Variants in CENPP observed in about 807,000 individuals in gnomAD.
CENPP encodes the protein centromere protein P.
CENPP carries 24 observed loss-of-function variants against 35.6 expected under a neutral mutation model. That is an observed-to-expected ratio of 0.67 (90% CI 0.49 to 0.95). The LOEUF is 0.95. Ranked by LOEUF, CENPP falls within the 40% of genes least tolerant of loss-of-function variation. The probability of loss-of-function intolerance (pLI) is 0.00; values close to 1 mark genes in which losing one functional copy is unlikely to be tolerated. For synonymous variants in CENPP, 120 were observed against 125.5 expected, an observed-to-expected ratio of 0.96 and a Z score of 0.29; for missense variants, 332 against 345.3, an observed-to-expected ratio of 0.96 and a Z score of 0.31.
chr9:92,581,554 C>T (rs1223830449), intron 5 of CENPP, among the ~76,000 whole-genome samples: 1 of 152,170 alleles, frequency 6.6e-6, no homozygotes, highest in Non-Finnish European at 1.5e-5. Flanking sequence ...AGCTTCGTTA[C>T]TCTCAGAGAA....
chr9:92,331,119 C>T (rs992405079), intron 1 of CENPP, among the ~76,000 whole-genome samples: 2 of 152,260 alleles, frequency 1.3e-5, no homozygotes, highest in South Asian at 2.1e-4. Flanking sequence ...TACTATAAAA[C>T]GTTCTGTGGT....
intron 5 of CENPP, among the ~76,000 whole-genome samples, chr9:92,608,481 C>T (rs1031274040): frequency 7.2e-5 from 11 of 152,168 alleles, no homozygotes; most frequent in African/African-American, 1.4e-4. Flanking sequence ...TTATAAAACT[C>T]GACTGCTGTT....
intron 5 of CENPP, among the ~76,000 whole-genome samples, chr9:92,395,874 T>G (rs1842872931): frequency 6.6e-6 from 1 of 152,110 alleles, no homozygotes; most frequent in Admixed American, 6.5e-5. Context: ...CATTTTAAAT[T>G]TTAATGAAGA....
chr9:92,455,172 A>T (rs1844837525), intron 5 of CENPP, among the ~76,000 whole-genome samples: 2 of 152,132 alleles, frequency 1.3e-5, no homozygotes, highest in African/African-American at 4.8e-5. Flanking sequence ...TAAGGCTTGG[A>T]GGATTACTTG....
intron 5 of CENPP, chr9:92,610,585 C>A (rs1395633923): frequency 6.6e-6 from 1 of 152,258 alleles, no homozygotes; most frequent in Non-Finnish European, 1.5e-5. Context: ...TCTCCCAGAA[C>A]CGCAAGCCTA....
chr9:92,343,564 G>A (rs905652783), intron 3 of CENPP, among the ~76,000 whole-genome samples: 7 of 152,062 alleles, frequency 4.6e-5, no homozygotes, highest in African/African-American at 1.7e-4. Flanking sequence ...ATTATCACAG[G>A]CTCCAAAGAA....
chr9:92,431,904 A>T (rs981419572), intron 5 of CENPP, among the ~76,000 whole-genome samples: 19 of 152,150 alleles, frequency 1.2e-4, no homozygotes, highest in African/African-American at 4.1e-4. Flanking sequence ...TAATTTTTTT[A>T]AATTGATTTT....
At chr9:92,502,360 T>C (rs528539919) in intron 5 of CENPP, among the ~76,000 whole-genome samples, 1 of 152,300 alleles carries the variant, frequency 6.6e-6, no homozygotes, top group African/African-American at 2.4e-5. Context: ...ACTTTGGGGA[T>C]AGGGTAAGGG....
intron 5 of CENPP, among the ~76,000 whole-genome samples, chr9:92,455,587 T>G (rs906909144): frequency 6.6e-6 from 1 of 152,110 alleles, no homozygotes; most frequent in African/African-American, 2.4e-5. Flanking sequence ...ATTTACCCAT[T>G]CTTAACCTCG....
At chr9:92,418,081 C>CT (rs144702027) in intron 5 of CENPP, among the ~76,000 whole-genome samples, 4,676 of 150,084 alleles carry the variant, frequency 0.031, 112 homozygotes, top group South Asian at 0.084. Flanking sequence ...TTTCTTTTTT[C>CT]TTTTTCTTTT....
At chr9:92,371,901 TG>T (rs1259012637) in intron 4 of CENPP, among the ~76,000 whole-genome samples, 2 of 147,842 alleles carry the variant, frequency 1.4e-5, no homozygotes, top group Non-Finnish European at 3.0e-5. Flanking sequence ...AGTCTCTCTC[TG>T]TTGCCCAGGC....
At chr9:92,592,948 G>A (rs2131377428) in intron 5 of CENPP, among the ~76,000 whole-genome samples, 1 of 152,338 alleles carries the variant, frequency 6.6e-6, no homozygotes, top group South Asian at 2.1e-4. Context: ...GAGAGGATGG[G>A]ACAGAAACCC....
At position 92,609,210 on chromosome 9, in the gene CENPP, A is replaced by AGATGGT. The variant is rs1851166187; in HGVS notation, c.565-2103_565-2102insATGGTG. Among the ~76,000 whole-genome samples the AGATGGT allele has an allele frequency of 2.0e-5, 3 of 152,242 alleles. No homozygotes were observed. The South Asian group carries it at 6.2e-4, about 32-fold the overall frequency. On this transcript the variant is annotated intron_variant, in intron 5 of 7. Transcript: ENST00000375587. ...GCCCCTCTCAGCCTCTGGCAGGTGC[A>AGATGGT]GCTGGTGCTGCGATGCACCCTTGCC...
At chr9:92,452,491 T>A (rs914894138) in intron 5 of CENPP, among the ~76,000 whole-genome samples, 25 of 152,314 alleles carry the variant, frequency 1.6e-4, no homozygotes, top group African/African-American at 6.0e-4. Context: ...TGCTGCTGGA[T>A]TCGGTTTGCC....
At chr9:92,554,724 G>A (rs1381961879) in intron 5 of CENPP, among the ~76,000 whole-genome samples, 4 of 151,916 alleles carry the variant, frequency 2.6e-5, no homozygotes, top group South Asian at 2.1e-4. Flanking sequence ...TGCAACCTCC[G>A]CTGCCCGGCT....
At chr9:92,608,520 C>T (rs1851144156) in intron 5 of CENPP, among the ~76,000 whole-genome samples, 2 of 152,180 alleles carry the variant, frequency 1.3e-5, no homozygotes, top group African/African-American at 2.4e-5. Flanking sequence ...GCCTAATGAT[C>T]TCAAGCCCAC....
At chr9:92,566,781 G>A (rs1039403906) in intron 5 of CENPP, among the ~76,000 whole-genome samples, 2 of 152,116 alleles carry the variant, frequency 1.3e-5, no homozygotes, top group African/African-American at 2.4e-5. Context: ...AGAAGAAGAC[G>A]AGAAAGAAAA....
chr9:92,380,809 T>C (rs1285970460), intron 5 of CENPP, among the ~76,000 whole-genome samples: 1 of 152,182 alleles, frequency 6.6e-6, no homozygotes, highest in East Asian at 1.9e-4. Context: ...AATAGATGAA[T>C]CACCTAATGT....
chr9:92,587,207 C>T (rs888292627), intron 5 of CENPP, among the ~76,000 whole-genome samples: 44 of 152,152 alleles, frequency 2.9e-4, no homozygotes, highest in African/African-American at 9.7e-4. Flanking sequence ...CGGTGGCTCA[C>T]GCCTGTAATC....
Sources: allele counts gnomAD v4.1 joint callset (sites outside exome capture counted in the v4.1 genomes callset), GRCh38; gene constraint gnomAD v4.1.1; transcripts MANE v1.5; gene names NCBI Gene and HGNC (gene_info 2026-07-23, HGNC 2026-07-21).